The following TGFB2 variants were observed in gnomAD, a reference collection of about 807,000 sequenced individuals.
TGFB2 encodes the protein transforming growth factor beta-2 proprotein.
Under a neutral mutation model 42.7 loss-of-function variants are expected in TGFB2, and 13 were observed. That is an observed-to-expected ratio of 0.30 (90% CI 0.20 to 0.48). TGFB2 has a LOEUF of 0.48. TGFB2 is among the 20% of genes least tolerant of loss of function. The probability of loss-of-function intolerance (pLI) is 0.99; values close to 1 mark genes in which losing one functional copy is unlikely to be tolerated. For synonymous variants in TGFB2, 193 were observed against 193.6 expected, an observed-to-expected ratio of 1.00 and a Z score of 0.03; for missense variants, 390 against 517.5, an observed-to-expected ratio of 0.75 and a Z score of 2.39.
chr1:218,348,061 A>G (rs1013896806), intron 1 of TGFB2, among the ~76,000 whole-genome samples: 4 of 151,386 alleles, frequency 2.6e-5, no homozygotes, highest in Non-Finnish European at 5.9e-5. Flanking sequence ...ATGATTTCAG[A>G]GTTCTTAAAA....
intron 1 of TGFB2, among the ~76,000 whole-genome samples, 195 bp downstream of exon 1, chr1:218,347,242 A>G (rs978865411): frequency 1.3e-5 from 2 of 151,978 alleles, no homozygotes; most frequent in Non-Finnish European, 2.9e-5. Context: ...TTTACTTTCT[A>G]CTTTATTTTC....
Position 218,357,416 on chromosome 1 carries a change from A to G in TGFB2, c.346+10369A>G, listed in dbSNP as rs74641140. ...CATCCTGGCTTTCCTGGGGCAACCC[A>G]GTAACACCACTTCAGTGATGTGGAA... On this transcript the variant is annotated intron_variant, in intron 1 of 6. Transcript: ENST00000366930. Among the ~76,000 whole-genome samples the G allele has an allele frequency of 5.9e-5, 9 of 152,344 alleles. No homozygotes were observed. In the East Asian group the frequency reaches 1.5e-3, roughly 26 times the overall value.
chr1:218,355,078 T>A (rs1656990018), intron 1 of TGFB2, among the ~76,000 whole-genome samples: 1 of 152,166 alleles, frequency 6.6e-6, no homozygotes, highest in Non-Finnish European at 1.5e-5. Flanking sequence ...AATTTTTGTG[T>A]TTTTAGTCAA....
chr1:218,426,153 CTGAT>C (rs1659616793), intron 2 of TGFB2, among the ~76,000 whole-genome samples: 1 of 152,164 alleles, frequency 6.6e-6, no homozygotes, highest in East Asian at 1.9e-4. Context: ...CATTAGAAGT[CTGAT>C]TGAATAGCCC....
rs900329390 is a variant in TGFB2, at chr1:218,416,165, T to A, written c.510+10833T>A. Among the ~76,000 whole-genome samples, 5 of 152,182 alleles carry A rather than the reference T, an allele frequency of 3.3e-5. No homozygotes were observed. In the East Asian group the frequency reaches 7.7e-4, roughly 23 times the overall value. On this transcript the variant is annotated intron_variant, in intron 2 of 6. Coordinates refer to ENST00000366930, the MANE Select transcript of TGFB2 (RefSeq NM_003238.6). Reference sequence around the variant, plus strand: ...TCTTGCTTCTCTTTTTGAAGAGTGATTACAATGACTGACTCCAATAGGGGT... The same window carrying A: ...TCTTGCTTCTCTTTTTGAAGAGTGAATACAATGACTGACTCCAATAGGGGT...
At chr1:218,404,879 T>C (rs1186130187) in intron 1 of TGFB2, among the ~76,000 whole-genome samples, 1 of 152,234 alleles carries the variant, frequency 6.6e-6, no homozygotes, top group Non-Finnish European at 1.5e-5. Context: ...AAACCATCTA[T>C]GATTTCCACC....
intron 4 of TGFB2, 42 bp downstream of exon 4, chr1:218,434,490 C>T (rs761632315): frequency 8.0e-7 from 1 of 1,250,214 alleles, no homozygotes; most frequent in Non-Finnish European, 1.2e-6. Context: ...AGGGAAGGGT[C>T]TATATTGATA....
At chr1:218,391,742 A>G (rs1658322419) in intron 1 of TGFB2, among the ~76,000 whole-genome samples, 2 of 152,234 alleles carry the variant, frequency 1.3e-5, no homozygotes, top group African/African-American at 2.4e-5. Context: ...AAGACCAAAG[A>G]CTTGTAATTT....
intron 1 of TGFB2, among the ~76,000 whole-genome samples, chr1:218,378,243 C>T (rs1303975198): frequency 8.5e-5 from 13 of 152,160 alleles, no homozygotes; most frequent in Non-Finnish European, 1.9e-4. Flanking sequence ...ATGGTGCGAT[C>T]TTAGCTCACT....
intron 1 of TGFB2, among the ~76,000 whole-genome samples, chr1:218,367,151 C>CT (rs1258943600): frequency 1.3e-5 from 2 of 152,078 alleles, no homozygotes; most frequent in African/African-American, 4.8e-5. Flanking sequence ...GGGGAAGGGA[C>CT]TTTCAAAGCT....
At chr1:218,355,964 T>C (rs1445509668) in intron 1 of TGFB2, among the ~76,000 whole-genome samples, 2 of 152,154 alleles carry the variant, frequency 1.3e-5, no homozygotes, top group African/African-American at 4.8e-5. Context: ...AGAATAGCGG[T>C]CTATGTGCAC....
chr1:218,378,123 C>T (rs1236464417), intron 1 of TGFB2, among the ~76,000 whole-genome samples: 2 of 151,748 alleles, frequency 1.3e-5, no homozygotes, highest in Non-Finnish European at 2.9e-5. Context: ...TTACAGGCCC[C>T]TGTCACTATG....
At chr1:218,359,015 G>A (rs1657130129) in intron 1 of TGFB2, among the ~76,000 whole-genome samples, 1 of 152,172 alleles carries the variant, frequency 6.6e-6, no homozygotes, top group Non-Finnish European at 1.5e-5. Context: ...AGGGCTTTCT[G>A]TGGGGAAAAT....
intron 4 of TGFB2, 113 bp downstream of exon 4, chr1:218,434,561 T>TAATTG: frequency 1.5e-6 from 1 of 683,148 alleles, no homozygotes. Context: ...CCTGGGGAGT[T>TAATTG]TCATTCATTT....
chr1:218,401,000 G>A (rs1361549204), intron 1 of TGFB2, among the ~76,000 whole-genome samples: 4 of 152,234 alleles, frequency 2.6e-5, no homozygotes, highest in South Asian at 2.1e-4. Context: ...ATAAGACCTC[G>A]CTTACAAAGC....
chr1:218,422,793 G>T (rs570896367), intron 2 of TGFB2, among the ~76,000 whole-genome samples: 2 of 152,136 alleles, frequency 1.3e-5, no homozygotes, highest in African/African-American at 2.4e-5. Flanking sequence ...TTATCCTGGG[G>T]TATACGTATA....
At chr1:218,411,224 A>T (rs1422666759) in intron 2 of TGFB2, among the ~76,000 whole-genome samples, 1 of 152,194 alleles carries the variant, frequency 6.6e-6, no homozygotes, top group Non-Finnish European at 1.5e-5. Flanking sequence ...CTGCACAACA[A>T]GCTTCAAAAT....
chr1:218,372,950 G>A (rs1224696882), intron 1 of TGFB2, among the ~76,000 whole-genome samples: 1 of 152,174 alleles, frequency 6.6e-6, no homozygotes, highest in Non-Finnish European at 1.5e-5. Context: ...ACTGAGGTGG[G>A]CGGATCACCT....
chr1:218,379,599 C>T (rs1657892534), intron 1 of TGFB2, among the ~76,000 whole-genome samples: 1 of 148,870 alleles, frequency 6.7e-6, no homozygotes, highest in African/African-American at 2.5e-5. Context: ...TCAAGGTTGT[C>T]ATTTGACAGG....
Sources: gnomAD v4.1 joint callset for allele counts (sites outside exome capture counted in the v4.1 genomes callset) on GRCh38, gnomAD v4.1.1 for gene constraint, MANE v1.5 for transcripts, NCBI Gene and HGNC (gene_info 2026-07-23, HGNC 2026-07-21) for gene names.